RIPOR2: variants seen among roughly 807,000 people sequenced by gnomAD.
The protein encoded by RIPOR2 is rho family-interacting cell polarization regulator 2.
A neutral mutation model predicts 114.5 loss-of-function variants in RIPOR2; 39 were observed. That is an observed-to-expected ratio of 0.34 (90% confidence interval 0.26 to 0.44). The LOEUF is 0.44. Ranked by LOEUF, RIPOR2 falls within the 20% of genes least tolerant of loss-of-function variation. The probability of loss-of-function intolerance (pLI) is 1.00; values close to 1 mark genes in which losing one functional copy is unlikely to be tolerated. For synonymous variants in RIPOR2, 445 were observed against 484.4 expected (o/e 0.92, Z 1.07); for missense variants, 1,007 against 1,255.1 (o/e 0.80, Z 2.99).
chr6:24,935,628 C>T (rs1169033377), intron 1 of RIPOR2, among the ~76,000 whole-genome samples: 1 of 152,148 alleles, frequency 6.6e-6, no homozygotes, highest in Non-Finnish European at 1.5e-5. Flanking sequence ...AATGTATTTG[C>T]GGGAATGACT....
intron 1 of RIPOR2, among the ~76,000 whole-genome samples, chr6:24,920,805 C>G (rs1317211855): frequency 6.6e-6 from 1 of 152,186 alleles, no homozygotes; most frequent in East Asian, 1.9e-4. Flanking sequence ...CAGCAGCAGT[C>G]TTCATTTCAG....
chr6:24,980,543 A>G (rs907573880), intron 1 of RIPOR2, among the ~76,000 whole-genome samples: 1 of 152,180 alleles, frequency 6.6e-6, no homozygotes, highest in Admixed American at 6.5e-5. Flanking sequence ...CTCTTGTCAG[A>G]GCCGTAGGTG....
At chr6:24,992,149 C>T (rs2113620969) in intron 1 of RIPOR2, among the ~76,000 whole-genome samples, 1 of 152,222 alleles carries the variant, frequency 6.6e-6, no homozygotes, top group African/African-American at 2.4e-5. Flanking sequence ...GGTTTTTTCT[C>T]AAGAGCTCTG....
At chr6:24,882,768 G>A (rs1027041745) in intron 1 of RIPOR2, among the ~76,000 whole-genome samples, 17 of 152,108 alleles carry the variant, frequency 1.1e-4, no homozygotes, top group African/African-American at 3.6e-4. Context: ...TTTTTCTATC[G>A]GATTCTTTTT....
chr6:24,990,450 C>T (rs911167283), intron 1 of RIPOR2, among the ~76,000 whole-genome samples: 1 of 152,226 alleles, frequency 6.6e-6, no homozygotes, highest in Non-Finnish European at 1.5e-5. Flanking sequence ...CTCAGAGCTT[C>T]ATATGGCCTC....
intron 1 of RIPOR2, among the ~76,000 whole-genome samples, chr6:24,915,680 T>C (rs986686487): frequency 1.3e-5 from 2 of 152,214 alleles, no homozygotes; most frequent in East Asian, 3.8e-4. Flanking sequence ...CTCTGTATTT[T>C]TGATTTTCCA....
intron 1 of RIPOR2, among the ~76,000 whole-genome samples, chr6:24,902,538 A>G (rs1244085816): frequency 2.0e-5 from 3 of 151,880 alleles, no homozygotes; most frequent in Non-Finnish European, 4.4e-5. Flanking sequence ...CTTTTTCTCC[A>G]TCTCCTAAGT....
At chr6:24,924,684 A>G (rs1770736196) in intron 1 of RIPOR2, among the ~76,000 whole-genome samples, 1 of 152,190 alleles carries the variant, frequency 6.6e-6, no homozygotes, top group Admixed American at 6.5e-5. Context: ...GTCCCTTCCT[A>G]CATGGGGCTT....
At chr6:24,828,952 A>G (rs979534564) in intron 17 of RIPOR2, among the ~76,000 whole-genome samples, 1 of 152,176 alleles carries the variant, frequency 6.6e-6, no homozygotes, top group African/African-American at 2.4e-5. Flanking sequence ...TTTTCCTTTT[A>G]CACAACAAAG....
chr6:24,952,931 G>T (rs1343249741), intron 1 of RIPOR2, among the ~76,000 whole-genome samples: 3 of 152,212 alleles, frequency 2.0e-5, no homozygotes, highest in Non-Finnish European at 4.4e-5. Context: ...GAATTAGTGG[G>T]AAGCACAGTG....
At chr6:24,966,711 G>A (rs891133509) in intron 1 of RIPOR2, among the ~76,000 whole-genome samples, 2 of 152,190 alleles carry the variant, frequency 1.3e-5, no homozygotes, top group African/African-American at 2.4e-5. Flanking sequence ...CATGATCCAA[G>A]GTACAGCACT....
intron 18 of RIPOR2, among the ~76,000 whole-genome samples, chr6:24,826,675 T>C (rs1760215447): frequency 6.6e-6 from 1 of 152,210 alleles, no homozygotes; most frequent in Non-Finnish European, 1.5e-5. Flanking sequence ...TACATTAGTA[T>C]ACATTCAAAT....
At chr6:24,934,897 G>T (rs1317621217) in intron 1 of RIPOR2, among the ~76,000 whole-genome samples, 1 of 152,158 alleles carries the variant, frequency 6.6e-6, no homozygotes, top group Admixed American at 6.5e-5. Flanking sequence ...AGAAAACTGA[G>T]CAGTGCCAAT....
At chr6:25,013,769 T>G (rs1303221793) in intron 1 of RIPOR2, among the ~76,000 whole-genome samples, 1 of 152,146 alleles carries the variant, frequency 6.6e-6, no homozygotes, top group African/African-American at 2.4e-5. Context: ...AAAGTGAGTG[T>G]TGAAATGGTG....
intron 8 of RIPOR2, among the ~76,000 whole-genome samples, chr6:24,855,052 A>T (rs1435913533): frequency 1.3e-5 from 2 of 149,618 alleles, no homozygotes; most frequent in Non-Finnish European, 3.0e-5. Flanking sequence ...AAAAGGAAGG[A>T]CACAAAACCT....
chr6:24,806,954 C>G (rs1780810569), intron 21 of RIPOR2, among the ~76,000 whole-genome samples: 1 of 152,174 alleles, frequency 6.6e-6, no homozygotes, highest in South Asian at 2.1e-4. Flanking sequence ...TGTAAACATA[C>G]AGAGATGCCT....
At chr6:24,994,309 A>G (rs1774956271) in intron 1 of RIPOR2, among the ~76,000 whole-genome samples, 1 of 152,198 alleles carries the variant, frequency 6.6e-6, no homozygotes, top group African/African-American at 2.4e-5. Context: ...GAAGGTCTGG[A>G]CCAACACAAA....
intron 1 of RIPOR2, among the ~76,000 whole-genome samples, chr6:24,946,086 T>A (rs1344401275): frequency 1.4e-5 from 1 of 70,476 alleles, no homozygotes. Flanking sequence ...TTATTTTTAA[T>A]TAATTTTTTT....
At chr6:24,850,140 A>G (rs190902589) in intron 10 of RIPOR2, among the ~76,000 whole-genome samples, 190 bp from the exon 11 acceptor site, 68 of 134,320 alleles carry the variant, frequency 5.1e-4, no homozygotes, top group Admixed American at 1.4e-3. Context: ...TCTGTCACCC[A>G]GGCTATAGTG....
Sources: gnomAD v4.1 joint callset for allele counts (sites outside exome capture counted in the v4.1 genomes callset) on GRCh38, gnomAD v4.1.1 for gene constraint, MANE v1.5 for transcripts, NCBI Gene and HGNC (gene_info 2026-07-23, HGNC 2026-07-21) for gene names.